CDH8: variants seen among roughly 807,000 people sequenced by gnomAD.
CDH8 encodes the protein cadherin-8.
A neutral mutation model predicts 68.1 loss-of-function variants in CDH8; 17 were observed. The observed-to-expected ratio is 0.25, with a 90% CI of 0.17 to 0.37. The LOEUF is 0.37. Ranked by LOEUF, CDH8 falls within the 10% of genes least tolerant of loss-of-function variation. CDH8 has a pLI of 1.00. For synonymous variants in CDH8, 372 were observed against 365.1 expected (o/e 1.02, Z -0.21); for missense variants, 763 against 999.3 (o/e 0.76, Z 3.19).
intron 4 of CDH8, among the ~76,000 whole-genome samples, chr16:61,827,125 T>C (rs62051983): frequency 0.04 from 6,083 of 151,954 alleles, 185 homozygotes; most frequent in Admixed American, 0.089. Context: ...TATTAGCATG[T>C]TGAGATACCA....
chr16:61,971,897 G>T (rs1227111921), intron 2 of CDH8, among the ~76,000 whole-genome samples: 1 of 152,116 alleles, frequency 6.6e-6, no homozygotes, highest in Admixed American at 6.6e-5. Flanking sequence ...AAACAAAGCA[G>T]TAAGAATTGA....
At chr16:61,919,885 G>T (rs1964328589) in intron 2 of CDH8, among the ~76,000 whole-genome samples, 1 of 152,102 alleles carries the variant, frequency 6.6e-6, no homozygotes, top group African/African-American at 2.4e-5. Context: ...AAACAGCATG[G>T]TACTGGTACC....
intron 4 of CDH8, among the ~76,000 whole-genome samples, chr16:61,827,241 C>G (rs541172540): frequency 6.6e-6 from 1 of 151,996 alleles, no homozygotes; most frequent in East Asian, 1.9e-4. Context: ...CCTCCTGTGA[C>G]ATTTACATGA....
chr16:61,931,502 T>C (rs1297426510), intron 2 of CDH8, among the ~76,000 whole-genome samples: 1 of 152,068 alleles, frequency 6.6e-6, no homozygotes, highest in Non-Finnish European at 1.5e-5. Flanking sequence ...AAAAAAAACA[T>C]TCATTAGGAA....
At position 61,832,317 on chromosome 16, in the gene CDH8, G is replaced by T. The variant is rs138319237; in HGVS notation, c.668-7138C>A. ...AGATAGATGGGGAGAGATTTTAGAGGAAGACAGATAGATAATAGATAGATA... is the reference window on the plus strand; with the variant it reads ...AGATAGATGGGGAGAGATTTTAGAGTAAGACAGATAGATAATAGATAGATA... On this transcript the variant is annotated intron_variant, in intron 4 of 11. Coordinates refer to ENST00000577390, the MANE Select transcript of CDH8 (RefSeq NM_001796.5). Among the ~76,000 whole-genome samples the T allele has an allele frequency of 6.5e-3, 964 of 148,688 alleles. 8 individuals carry two copies. The highest frequency in any genetic ancestry group is 0.023 in the African/African-American group (928 of 40,558).
At chr16:61,788,234 C>T (rs1596968499) in intron 8 of CDH8, among the ~76,000 whole-genome samples, 1 of 152,102 alleles carries the variant, frequency 6.6e-6, no homozygotes, top group South Asian at 2.1e-4. Flanking sequence ...ACCTGGATTA[C>T]TCTTTTTTAA....
At chr16:61,723,224 T>C (rs1297711011) in intron 9 of CDH8, among the ~76,000 whole-genome samples, 3 of 150,788 alleles carry the variant, frequency 2.0e-5, no homozygotes, top group Non-Finnish European at 4.5e-5. Context: ...AACACAGTTA[T>C]GGAAGGTCCT....
At chr16:61,754,685 T>A (rs1372395948) in intron 8 of CDH8, among the ~76,000 whole-genome samples, 2 of 152,174 alleles carry the variant, frequency 1.3e-5, no homozygotes, top group Non-Finnish European at 1.5e-5. Context: ...AAATATACAA[T>A]AAATTATTGT....
intron 3 of CDH8, among the ~76,000 whole-genome samples, chr16:61,870,923 T>A (rs1180996715): frequency 6.6e-6 from 1 of 152,250 alleles, no homozygotes; most frequent in Non-Finnish European, 1.5e-5. Context: ...AGTACTTATT[T>A]ACTTGATATA....
intron 8 of CDH8, among the ~76,000 whole-genome samples, chr16:61,777,140 T>C (rs1178827436): frequency 6.6e-6 from 1 of 152,116 alleles, no homozygotes; most frequent in Non-Finnish European, 1.5e-5. Context: ...GACTGATAAC[T>C]TTATTTTCTC....
chr16:61,879,664 T>C (rs1963532630), intron 3 of CDH8, among the ~76,000 whole-genome samples: 1 of 152,282 alleles, frequency 6.6e-6, no homozygotes, highest in South Asian at 2.1e-4. Flanking sequence ...TAACTGCAAT[T>C]GAAATCTTCA....
intron 1 of CDH8, among the ~76,000 whole-genome samples, chr16:62,025,032 G>A (rs564091921): frequency 2.6e-5 from 4 of 152,090 alleles, no homozygotes; most frequent in Admixed American, 1.3e-4. Flanking sequence ...AGTCTTAGAA[G>A]GTTTAAAAGA....
chr16:61,791,218 T>C lies in CDH8; in HGVS notation c.1278-1736A>G, dbSNP rs543340933. On this transcript the variant is annotated intron_variant, in intron 7 of 11. Transcript: ENST00000577390. ...CTCCCATCCCCAATCCCCAGGATAA[T>C]TGAAGAAATTCAGAGAGAATTTAAG... Among the ~76,000 whole-genome samples, 352 of 152,106 alleles carry C rather than the reference T, an allele frequency of 2.3e-3. 3 individuals are homozygous for C. The highest frequency in any genetic ancestry group is 3.8e-3 in the Admixed American group (58 of 15,252).
intron 2 of CDH8, among the ~76,000 whole-genome samples, chr16:61,979,093 C>T (rs893354532): frequency 6.6e-6 from 1 of 151,328 alleles, no homozygotes; most frequent in Admixed American, 6.6e-5. Flanking sequence ...AGAATCTCAG[C>T]CCAAAGCCAG....
intron 2 of CDH8, among the ~76,000 whole-genome samples, chr16:61,993,182 C>CT (rs1965754510): frequency 6.6e-6 from 1 of 152,178 alleles, no homozygotes; most frequent in Non-Finnish European, 1.5e-5. Flanking sequence ...GATTTCATAA[C>CT]TCACTCAGGT....
rs181351899 is a variant in CDH8, at chr16:61,726,946, A to C, written c.1536+148T>G. The stretch of plus-strand genomic sequence containing the variant: ...AAATAACATCTGATGGAGAAAAAAA[A>C]TTCCCTCTCTGTTCCCATTTGGATG... On this transcript the variant is annotated intron_variant, in intron 9 of 11. Coordinates refer to ENST00000577390, the MANE Select transcript of CDH8 (RefSeq NM_001796.5). 378 of 809,698 alleles carry C rather than the reference A, an allele frequency of 4.7e-4. 4 individuals are homozygous for C. The African/African-American group carries it at 5.5e-3, about 12-fold the overall frequency. 50.2% of individuals were successfully genotyped at this position (809,698 alleles called of 1,614,324 possible). A position where few individuals can be genotyped will look rare whatever the true frequency, so the allele number is the denominator to read the frequency against.
intron 8 of CDH8, among the ~76,000 whole-genome samples, chr16:61,734,084 ACT>A (rs1252370713): frequency 2.6e-5 from 4 of 152,084 alleles, no homozygotes; most frequent in Non-Finnish European, 5.9e-5. Context: ...AGAGATAAAG[ACT>A]CTGTTCTCTC....
At chr16:61,885,396 A>T (rs145000815) in intron 3 of CDH8, among the ~76,000 whole-genome samples, 58 of 152,326 alleles carry the variant, frequency 3.8e-4, no homozygotes, top group African/African-American at 1.3e-3. Context: ...AAGCCTGAAC[A>T]CAAGAATTAC....
intron 10 of CDH8, among the ~76,000 whole-genome samples, chr16:61,695,035 C>G (rs147650352): frequency 6.6e-6 from 1 of 151,926 alleles, no homozygotes; most frequent in African/African-American, 2.4e-5. Context: ...CGCCTCAGCC[C>G]CTCAAAGTGC....
Sources: allele counts gnomAD v4.1 joint callset (sites outside exome capture counted in the v4.1 genomes callset), GRCh38; gene constraint gnomAD v4.1.1; transcripts MANE v1.5; gene names NCBI Gene and HGNC (gene_info 2026-07-23, HGNC 2026-07-21).